CCDC7: variants seen among roughly 807,000 people sequenced by gnomAD.
The protein encoded by CCDC7 is coiled-coil domain containing 7.
CCDC7 carries 183 observed loss-of-function variants against 196.9 expected under a neutral mutation model. The ratio of observed to expected loss-of-function variants is 0.93; its 90% CI spans 0.82 to 1.05. CCDC7 has a LOEUF of 1.05. Among genes scored for constraint, CCDC7 ranks in the 50% least tolerant of loss-of-function variants. The pLI is 0.00. For synonymous variants in CCDC7, 525 were observed against 484.6 expected, an observed-to-expected ratio of 1.08 and a Z score of -1.10; for missense variants, 1,540 against 1,482.2, an observed-to-expected ratio of 1.04 and a Z score of -0.64.
At chr10:32,528,347 G>A (rs578177140) in intron 11 of CCDC7, among the ~76,000 whole-genome samples, 85 of 151,544 alleles carry the variant, frequency 5.6e-4, no homozygotes, top group Non-Finnish European at 7.5e-4. Flanking sequence ...AGATTTTGGC[G>A]CATCCATCAC....
exon 28 of CCDC7, chr10:32,729,380 T>G (rs773163150): frequency 1.9e-6 from 3 of 1,546,958 alleles, no homozygotes; most frequent in East Asian, 4.6e-5. Flanking sequence ...GAACATCTGT[T>G]GCCTGAGGAG....
chr10:32,514,235 C>A (rs759943079), intron 9 of CCDC7: 1 of 152,088 alleles, frequency 6.6e-6, no homozygotes, highest in African/African-American at 2.4e-5. Flanking sequence ...AAGTTCTCAC[C>A]CCCTGCTACC....
At chr10:32,609,982 A>G (rs1273014739) in intron 18 of CCDC7, among the ~76,000 whole-genome samples, 2 of 151,806 alleles carry the variant, frequency 1.3e-5, no homozygotes, top group Admixed American at 1.3e-4. Context: ...GTCCTGGGTG[A>G]GATGGAGTGA....
chr10:32,794,137 C>A (rs1362983888), intron 29 of CCDC7, among the ~76,000 whole-genome samples: 4 of 152,156 alleles, frequency 2.6e-5, no homozygotes, highest in African/African-American at 9.7e-5. Flanking sequence ...ATCAGGCAGT[C>A]CCCAGTATCT....
At chr10:32,818,642 C>T (rs1394813784) in intron 31 of CCDC7, among the ~76,000 whole-genome samples, 1 of 152,176 alleles carries the variant, frequency 6.6e-6, no homozygotes, top group Non-Finnish European at 1.5e-5. Flanking sequence ...AACTGTCTCT[C>T]AGACCACAGT....
At chr10:32,866,235 A>G (rs1156952352) in intron 41 of CCDC7, among the ~76,000 whole-genome samples, 2 of 151,786 alleles carry the variant, frequency 1.3e-5, no homozygotes, top group Non-Finnish European at 1.5e-5. Context: ...CAAAGGCACA[A>G]TCATGAAAGA....
At chr10:32,547,501 CAG>C (rs1324354939) in intron 13 of CCDC7, among the ~76,000 whole-genome samples, 2 of 152,116 alleles carry the variant, frequency 1.3e-5, no homozygotes, top group African/African-American at 4.8e-5. Context: ...CACCCACACT[CAG>C]AGGGGCTGGA....
intron 25 of CCDC7, among the ~76,000 whole-genome samples, chr10:32,712,149 A>G (rs2080941543): frequency 6.6e-6 from 1 of 152,140 alleles, no homozygotes; most frequent in Non-Finnish European, 1.5e-5. Context: ...CAGTAGAAGG[A>G]TTTCCAGGGT....
intron 28 of CCDC7, among the ~76,000 whole-genome samples, chr10:32,757,136 C>A (rs909598252): frequency 7.4e-4 from 113 of 152,242 alleles, no homozygotes; most frequent in East Asian, 5.8e-4. Flanking sequence ...GACTTAGACT[C>A]CCACACAATA....
chr10:32,770,452 G>A (rs547637560), intron 28 of CCDC7, among the ~76,000 whole-genome samples: 1 of 152,034 alleles, frequency 6.6e-6, no homozygotes, highest in African/African-American at 2.4e-5. Flanking sequence ...TTGATTTCTA[G>A]TTTTATTCTT....
intron 11 of CCDC7, among the ~76,000 whole-genome samples, chr10:32,540,494 T>G (rs2136088618): frequency 6.6e-6 from 1 of 152,326 alleles, no homozygotes; most frequent in South Asian, 2.1e-4. Context: ...CTCTGTACCT[T>G]TTAATTTGGG....
intron 21 of CCDC7, among the ~76,000 whole-genome samples, chr10:32,665,647 G>T (rs1048555295): frequency 3.3e-5 from 5 of 152,032 alleles, no homozygotes; most frequent in African/African-American, 7.2e-5. Context: ...AAATTAGGAT[G>T]TACAGTGCCT....
At chr10:32,738,451 G>T (rs1477145718) in intron 28 of CCDC7, among the ~76,000 whole-genome samples, 3 of 144,782 alleles carry the variant, frequency 2.1e-5, no homozygotes, top group East Asian at 2.1e-4. Context: ...TAAGAGAAAA[G>T]AATATAAAAT....
chr10:32,816,595 C>T (rs1399265534), intron 31 of CCDC7, among the ~76,000 whole-genome samples: 1 of 152,184 alleles, frequency 6.6e-6, no homozygotes, highest in Non-Finnish European at 1.5e-5. Context: ...CTAGTAGGGG[C>T]AGACTGACAC....
intron 9 of CCDC7, chr10:32,511,918 A>G (rs950431186): frequency 8.4e-6 from 5 of 592,320 alleles, no homozygotes; most frequent in Non-Finnish European, 1.5e-5. Context: ...TATAGGATAA[A>G]ATATAGAAAC....
chr10:32,516,821 A>G (rs530781317), intron 9 of CCDC7, among the ~76,000 whole-genome samples: 105 of 152,382 alleles, frequency 6.9e-4, no homozygotes, highest in African/African-American at 2.3e-3. Flanking sequence ...AGGTTTATAC[A>G]TGAGATAAAT....
intron 20 of CCDC7, among the ~76,000 whole-genome samples, chr10:32,642,570 C>T (rs2067026265): frequency 6.6e-6 from 1 of 152,198 alleles, no homozygotes; most frequent in Non-Finnish European, 1.5e-5. Flanking sequence ...CTTTCTTTGA[C>T]TAGGAAAAGG....
chr10:32,761,552 T>C (rs1368975683), intron 28 of CCDC7, among the ~76,000 whole-genome samples: 1 of 151,956 alleles, frequency 6.6e-6, no homozygotes, highest in African/African-American at 2.4e-5. Context: ...AATTCAGATT[T>C]CCAGCCCAAG....
intron 23 of CCDC7, among the ~76,000 whole-genome samples, chr10:32,689,487 T>G (rs958524035): frequency 1.3e-5 from 2 of 150,960 alleles, no homozygotes; most frequent in African/African-American, 5.0e-5. Flanking sequence ...TGTGGCCTTC[T>G]TCCATAGGCA....
Sources: allele counts gnomAD v4.1 joint callset (sites outside exome capture counted in the v4.1 genomes callset), GRCh38; gene constraint gnomAD v4.1.1; transcripts MANE v1.5; gene names NCBI Gene and HGNC (gene_info 2026-07-23, HGNC 2026-07-21).